Variants in EFHC1 observed in about 807,000 individuals in gnomAD.
EFHC1 encodes the protein EF-hand domain-containing protein 1.
EFHC1 carries 53 observed loss-of-function variants against 69.9 expected under a neutral mutation model. The observed-to-expected ratio is 0.76, with a 90% CI of 0.61 to 0.95. The LOEUF (loss-of-function observed/expected upper bound fraction) is 0.95, where lower values mean the gene tolerates loss of function less well. Ranked by LOEUF, EFHC1 falls within the 40% of genes least tolerant of loss-of-function variation. The pLI, the probability that EFHC1 is intolerant of heterozygous loss-of-function variation, is 0.00. For missense variants in EFHC1, 739 were observed against 798.7 expected (o/e 0.93, Z 0.90); for synonymous variants, 256 against 278.4 (o/e 0.92, Z 0.80).
intron 9 of EFHC1, chr6:52,485,225 G>A (rs951046693): frequency 6.6e-6 from 1 of 152,204 alleles, no homozygotes; most frequent in East Asian, 1.9e-4. Flanking sequence ...AGTACTTCCC[G>A]AAAGTTTTTT....
In EFHC1 at chr6:52,456,158, A is replaced by T. The variant is rs572948197; in HGVS notation, c.916+1871A>T. 7.5e-3 allele frequency among the ~76,000 whole-genome samples: 1,139 copies of T among 152,240 alleles called. 21 individuals are homozygous for T. The highest frequency in any genetic ancestry group is 0.025 in the African/African-American group (1,040 of 41,540). ...GAAAGTTTATGTTATATATTTTTTT[A>T]AAAAAATGAAAATACTGCTAATTCA... On this transcript the variant is annotated intron_variant, in intron 5 of 10. Coordinates refer to ENST00000371068, the MANE Select transcript of EFHC1 (RefSeq NM_018100.4).
At chr6:52,484,115 AGT>A (rs1765738291) in intron 9 of EFHC1, 1 of 152,240 alleles carries the variant, frequency 6.6e-6, no homozygotes, top group Admixed American at 6.5e-5. Context: ...AACATTGATA[AGT>A]GTGTGAGAGA....
At chr6:52,447,420 T>C (rs1052503541) in intron 3 of EFHC1, among the ~76,000 whole-genome samples, 14 of 152,260 alleles carry the variant, frequency 9.2e-5, no homozygotes, top group African/African-American at 3.4e-4. Flanking sequence ...CATCAGGTCA[T>C]GTAAGGACTT....
At chr6:52,469,560 C>T in intron 7 of EFHC1, 87 bp downstream of exon 7, 8 of 1,575,348 alleles carry the variant, frequency 5.1e-6, no homozygotes, top group Non-Finnish European at 6.9e-6. Flanking sequence ...TGTAGATTAA[C>T]AGCTGTCAGA....
intron 2 of EFHC1, among the ~76,000 whole-genome samples, chr6:52,429,037 CTTCT>C (rs1325192676): frequency 6.6e-5 from 10 of 151,854 alleles, no homozygotes; most frequent in Admixed American, 2.6e-4. Context: ...TTTTGATGGG[CTTCT>C]TTGTTTTTCC....
chr6:52,432,417 A>G (rs1764436422), intron 2 of EFHC1, among the ~76,000 whole-genome samples: 1 of 152,170 alleles, frequency 6.6e-6, no homozygotes, highest in African/African-American at 2.4e-5. Flanking sequence ...AAATTCTCTC[A>G]GAATTTGTTT....
At position 52,471,328 on chromosome 6, in the gene EFHC1, A is replaced by G. The variant is rs143988883; in HGVS notation, c.1278+1855A>G. Among the ~76,000 whole-genome samples the G allele has an allele frequency of 2.6e-5, 4 of 152,300 alleles. No homozygotes were observed. The East Asian group carries it at 7.7e-4, about 29-fold the overall frequency. ...TGATTGTCTCAGTTTTACAAATCAG[A>G]TTAAGGTGATCCTGGATTATAATAA... On this transcript the variant is annotated intron_variant, in intron 7 of 10. Transcript: ENST00000371068.
rs1581819261 is a variant in EFHC1 at position 52,438,603 on chromosome 6, A to G, written c.573+12A>G. ...ACCAATTCACACAGGTATAGCATAT[A>G]TTTTTGAAAGTTGTGGGGTCTGAGG... On this transcript the variant is annotated intron_variant, in intron 3 of 10. Coordinates refer to ENST00000371068, the MANE Select transcript of EFHC1 (RefSeq NM_018100.4). The G allele has an allele frequency of 1.9e-6, 3 of 1,613,794 alleles. No individual in the cohort carries two copies. Among genetic ancestry groups the G allele is most frequent in the Non-Finnish European group, 2.5e-6 (3 of 1,179,774 alleles).
At chr6:52,455,314 T>G (rs1581831947) in intron 5 of EFHC1, among the ~76,000 whole-genome samples, 1 of 152,182 alleles carries the variant, frequency 6.6e-6, no homozygotes, top group African/African-American at 2.4e-5. Flanking sequence ...GTTCACTGAT[T>G]TTTTTTTCTT....
chr6:52,424,188 G>A (rs1764255843), intron 2 of EFHC1, 21 bp downstream of exon 2: 2 of 1,609,604 alleles, frequency 1.2e-6, no homozygotes, highest in Admixed American at 1.7e-5. Flanking sequence ...GAATTTTAGG[G>A]TACCCCTTGA....
In EFHC1 at chr6:52,479,789, T is replaced by C; in HGVS notation, c.1640+2T>C. On this transcript the variant is annotated splice_donor_variant, in intron 9 of 10. Coordinates refer to ENST00000371068, the MANE Select transcript of EFHC1 (RefSeq NM_018100.4). LOFTEE classifies it high-confidence loss of function. ...AGCGCCTGCTCCAGAAGCAGAAAGG[T>C]GTGTGTTTGATTGCTAGGGTTTGGC... 6.2e-7 allele frequency: 1 copy of C among 1,613,960 alleles called. No homozygotes were observed. The highest frequency in any genetic ancestry group is 8.5e-7 in the Non-Finnish European group (1 of 1,180,008).
intron 5 of EFHC1, among the ~76,000 whole-genome samples, chr6:52,460,180 G>A (rs988339566): frequency 1.3e-5 from 2 of 152,222 alleles, no homozygotes; most frequent in Admixed American, 1.3e-4. Context: ...TTGTATATCA[G>A]TACTTTGGAA....
chr6:52,486,689 TCTA>T (rs748351234), intron 9 of EFHC1: 26 of 152,344 alleles, frequency 1.7e-4, no homozygotes, highest in African/African-American at 4.3e-4. Flanking sequence ...AGAATGTTTC[TCTA>T]CTATCACTCT....
At chr6:52,441,096 C>CT (rs1764652982) in intron 3 of EFHC1, among the ~76,000 whole-genome samples, 1 of 152,054 alleles carries the variant, frequency 6.6e-6, no homozygotes, top group South Asian at 2.1e-4. Context: ...TCTTTTTACT[C>CT]TGTTGATGCT....
At chr6:52,482,576 C>T (rs1765704056) in intron 9 of EFHC1, 2 of 376,630 alleles carry the variant, frequency 5.3e-6, no homozygotes, top group Admixed American at 4.5e-5. Context: ...CTGTTCTGTG[C>T]CTTGGTGAAT....
chr6:52,453,054 G>C, intron 4 of EFHC1: 3 of 1,510,776 alleles, frequency 2.0e-6, no homozygotes, highest in South Asian at 2.4e-5. Flanking sequence ...TCGTGGAGTT[G>C]CGGAGTTGTT....
chr6:52,494,400 G>T lies in EFHC1; in HGVS notation c.*2059G>T, dbSNP rs769719142. The T allele has an allele frequency of 1.9e-4, 87 of 453,964 alleles. 1 individual carries two copies. Among genetic ancestry groups the T allele is most frequent in the Non-Finnish European group, 6.2e-5 (14 of 226,800 alleles). The allele number at this position is 453,964 out of a possible 1,614,324, so 28.1% of individuals were successfully genotyped here. On this transcript the variant is annotated 3_prime_UTR_variant, in exon 11 of 11. Transcript: ENST00000371068. Reference sequence around the variant, plus strand: ...TCTTACTCCCTTCTTTCTGTCTTCTGCTCCCTTTGTTCCTATTCAGCCATG... The same window carrying T: ...TCTTACTCCCTTCTTTCTGTCTTCTTCTCCCTTTGTTCCTATTCAGCCATG...
chr6:52,490,006 A>T, intron 9 of EFHC1, 134 bp from the exon 10 acceptor site: 1 of 816,986 alleles, frequency 1.2e-6, no homozygotes, highest in Non-Finnish European at 2.0e-6. Context: ...GCAAGTGTTC[A>T]GTTATTGGTC....
intron 3 of EFHC1, among the ~76,000 whole-genome samples, chr6:52,442,985 A>G (rs954237289): frequency 2.6e-5 from 4 of 152,108 alleles, no homozygotes; most frequent in African/African-American, 7.2e-5. Context: ...AATGATCTCC[A>G]TGCTAACTGG....
Sources: gnomAD v4.1 joint callset for allele counts (sites outside exome capture counted in the v4.1 genomes callset) on GRCh38, gnomAD v4.1.1 for gene constraint, MANE v1.5 for transcripts, NCBI Gene and HGNC (gene_info 2026-07-23, HGNC 2026-07-21) for gene names.